LRP6: variants seen among roughly 807,000 people sequenced by gnomAD.
LRP6 encodes low-density lipoprotein receptor-related protein 6.
A neutral mutation model predicts 184.1 loss-of-function variants in LRP6; 43 were observed. The ratio of observed to expected loss-of-function variants is 0.23; its 90% CI spans 0.18 to 0.30. The LOEUF (loss-of-function observed/expected upper bound fraction) is 0.30. LRP6 is among the 10% of genes least tolerant of loss of function. The pLI, the probability that LRP6 is intolerant of heterozygous loss-of-function variation, is 1.00. For missense variants in LRP6, 1,571 were observed against 2,005.3 expected (o/e 0.78, Z 4.14); for synonymous variants, 719 against 684.9 (o/e 1.05, Z -0.78).
intron 15 of LRP6, among the ~76,000 whole-genome samples, chr12:12,142,176 C>T (rs1006519773): frequency 1.6e-4 from 24 of 151,940 alleles, no homozygotes; most frequent in African/African-American, 5.6e-4. Flanking sequence ...TGTTACAAGC[C>T]AGGTAGAACA....
At chr12:12,263,614 G>A (rs1465880520) in intron 1 of LRP6, among the ~76,000 whole-genome samples, 1 of 151,064 alleles carries the variant, frequency 6.6e-6, no homozygotes, top group African/African-American at 2.4e-5. Flanking sequence ...AGGCGGAGGT[G>A]GGAGGATCAC....
intron 15 of LRP6, among the ~76,000 whole-genome samples, chr12:12,142,139 G>C (rs535706386): frequency 6.6e-6 from 1 of 152,226 alleles, no homozygotes; most frequent in Non-Finnish European, 1.5e-5. Context: ...ACTGAGAGCA[G>C]CAGAGTAGAG....
intron 7 of LRP6, among the ~76,000 whole-genome samples, chr12:12,177,048 A>C (rs1266422896): frequency 1.3e-5 from 2 of 151,574 alleles, no homozygotes; most frequent in Non-Finnish European, 2.9e-5. Context: ...GGGTTTCACC[A>C]TGTTGGCCAG....
chr12:12,172,394 A>C (rs1863070239), intron 7 of LRP6, among the ~76,000 whole-genome samples: 1 of 152,260 alleles, frequency 6.6e-6, no homozygotes, highest in African/African-American at 2.4e-5. Context: ...TCATCAGCTC[A>C]TTAAATGTCA....
chr12:12,266,619 CAT>C, intron 1 of LRP6, 60 bp downstream of exon 1: 1 of 1,343,516 alleles, frequency 7.4e-7, no homozygotes, highest in South Asian at 1.2e-5. Context: ...CCCCTAGACA[CAT>C]ACAACAAGGC....
At chr12:12,185,852 T>A (rs7960603) in intron 4 of LRP6, among the ~76,000 whole-genome samples, 1 of 150,974 alleles carries the variant, frequency 6.6e-6, no homozygotes, top group East Asian at 1.9e-4. Flanking sequence ...TTTTTGTTTT[T>A]TTTTTTTTTG....
intron 19 of LRP6, 64 bp from the exon 20 acceptor site, chr12:12,126,985 CAA>C: frequency 1.5e-6 from 2 of 1,301,996 alleles, no homozygotes; most frequent in Non-Finnish European, 2.2e-6. Flanking sequence ...AAATAGTAAT[CAA>C]AAGAGGGCTT....
chr12:12,223,047 T>G (rs115325403), intron 2 of LRP6, among the ~76,000 whole-genome samples: 1 of 152,148 alleles, frequency 6.6e-6, no homozygotes, highest in Non-Finnish European at 1.5e-5. Context: ...ATATTTTAAA[T>G]CATCCTCCCA....
At chr12:12,213,143 G>A (rs1864253031) in intron 2 of LRP6, among the ~76,000 whole-genome samples, 1 of 151,950 alleles carries the variant, frequency 6.6e-6, no homozygotes, top group Admixed American at 6.6e-5. Flanking sequence ...TCTTCCCTAA[G>A]GAATCTGGCT....
chr12:12,139,101 C>A, intron 15 of LRP6: 2 of 882,860 alleles, frequency 2.3e-6, no homozygotes, highest in Non-Finnish European at 3.0e-6. Flanking sequence ...GTGTTCATAC[C>A]CCCCACCCTG....
At chr12:12,257,652 G>A (rs1475248833) in intron 1 of LRP6, among the ~76,000 whole-genome samples, 32 of 143,930 alleles carry the variant, frequency 2.2e-4, no homozygotes, top group Admixed American at 2.8e-4. Flanking sequence ...AAAGAAAAAA[G>A]TACTTGAGGC....
chr12:12,179,966 A>G lies in LRP6; in HGVS notation c.1389T>C (p.Thr463=), dbSNP rs760616607. ...LDPMVGYMYW[T]DWGEIPKIER... is the part of the protein sequence containing the mutation. ...CAATTTTCGGAATTTCTCCCCAGTC[A>G]GTCCAATACATGTACCTAGAGAAGT... is the stretch of plus-strand genomic sequence containing the variant. The change falls in exon 7 of 23, where the codon ACT becomes ACC. Residue 463 remains threonine, a synonymous_variant. Coordinates refer to ENST00000261349, the MANE Select transcript of LRP6 (RefSeq NM_002336.3). 1 of 1,613,692 alleles carries G rather than the reference A, an allele frequency of 6.2e-7. No homozygotes were observed. The highest frequency in any genetic ancestry group is 2.2e-5 in the East Asian group (1 of 44,874).
At chr12:12,241,170 G>A (rs919418700) in intron 2 of LRP6, among the ~76,000 whole-genome samples, 1 of 152,134 alleles carries the variant, frequency 6.6e-6, no homozygotes, top group African/African-American at 2.4e-5. Context: ...CTTTACGTAA[G>A]TTGCTATGAG....
At chr12:12,139,491 AG>A (rs1346635313) in intron 15 of LRP6, among the ~76,000 whole-genome samples, 2 of 152,232 alleles carry the variant, frequency 1.3e-5, no homozygotes, top group African/African-American at 2.4e-5. Context: ...TGGGAGGCTG[AG>A]GCAGGAGGAT....
Position 12,181,294 on chromosome 12 carries a change from G to T in LRP6, c.1122C>A (p.Ile374=). 6.2e-7 allele frequency: 1 copy of T among 1,614,156 alleles called. No individual in the cohort carries two copies. ...CCCTCACTTCATCATCAGTCCAGTA[G>T]ATGTAGCCTTCCACAGGATCGTAAT... ...AIDYDPVEGY[I]YWTDDEVRAI... is the part of the protein sequence containing the mutation. The change falls in exon 6 of 23, where the codon ATC becomes ATA. Residue 374 remains isoleucine, a synonymous_variant. Coordinates refer to ENST00000261349, the MANE Select transcript of LRP6 (RefSeq NM_002336.3).
intron 20 of LRP6, 26 bp from the exon 21 acceptor site, chr12:12,125,458 G>A: frequency 6.2e-7 from 1 of 1,606,750 alleles, no homozygotes; most frequent in Non-Finnish European, 8.5e-7. Flanking sequence ...GTTAAAAACT[G>A]AAGATGAGTA....
chr12:12,149,000 C>G lies in LRP6; in HGVS notation c.3148G>C (p.Val1050Leu), dbSNP rs1024580800. 1.2e-6 allele frequency: 2 copies of G among 1,614,074 alleles called. No individual in the cohort carries two copies. Among genetic ancestry groups the G allele is most frequent in the Non-Finnish European group, 1.7e-6 (2 of 1,180,012 alleles). Residue 1050 changes from valine (V) to leucine (L), a missense_variant, in exon 14 of 23, where the codon GTG (valine) becomes CTG (leucine). Transcript: ENST00000261349. ...CTGTCCTGCTCGCCTTTCAGCACCA[C>G]TCCAACTGATCTCCCATCTAATCTT... is the stretch of plus-strand genomic sequence containing the variant. ...VTRLDGRSVG[V>L]VLKGEQDRPR...
rs1949767847 is a variant in LRP6, at chr12:12,132,033, T to C, written c.3758A>G (p.Gln1253Arg). Residue 1253 changes from glutamine to arginine, a missense_variant, in exon 18 of 23, where the codon CAG (glutamine) becomes CGG (arginine). Transcript: ENST00000261349. ...AATTTCCCCCGTGAAACAAGTAAACTGCTGAGGAGAACATGTTGGAGGTTC... is the reference window on the plus strand; with the variant it reads ...AATTTCCCCCGTGAAACAAGTAAACCGCTGAGGAGAACATGTTGGAGGTTC... Reference protein sequence around the residue: ...CGEPPTCSPQQFTCFTGEIDC... With the variant: ...CGEPPTCSPQRFTCFTGEIDC... 2 of 1,613,756 alleles carry C rather than the reference T, an allele frequency of 1.2e-6. No individual in the cohort carries two copies. The highest frequency in any genetic ancestry group is 2.7e-5 in the African/African-American group (2 of 74,840).
chr12:12,135,929 A>AATCCTAGCACTTTGGG (rs1184710151), intron 16 of LRP6, among the ~76,000 whole-genome samples: 2 of 152,130 alleles, frequency 1.3e-5, no homozygotes, highest in Non-Finnish European at 2.9e-5. Context: ...TCACGCCTGT[A>AATCCTAGCACTTTGGG]ATCCTAGCAC....
Sources: gnomAD v4.1 joint callset for allele counts (sites outside exome capture counted in the v4.1 genomes callset) on GRCh38, gnomAD v4.1.1 for gene constraint, MANE v1.5 for transcripts, NCBI Gene and HGNC (gene_info 2026-07-23, HGNC 2026-07-21) for gene names.